TBC1D22A: variants seen among roughly 807,000 people sequenced by gnomAD.
The protein encoded by TBC1D22A is putative GTPase activator.
TBC1D22A carries 38 observed loss-of-function variants against 60.2 expected under a neutral mutation model. That is an observed-to-expected ratio of 0.63 (90% CI 0.49 to 0.83). The LOEUF (loss-of-function observed/expected upper bound fraction) is 0.83. Among genes scored for constraint, TBC1D22A ranks in the 40% least tolerant of loss-of-function variants. The pLI is 0.00. For synonymous variants in TBC1D22A, 302 were observed against 281.7 expected (o/e 1.07, Z -0.72); for missense variants, 628 against 701.0 (o/e 0.90, Z 1.18).
At chr22:47,127,194 G>T (rs1240069172) in intron 12 of TBC1D22A, among the ~76,000 whole-genome samples, 1 of 151,178 alleles carries the variant, frequency 6.6e-6, no homozygotes, top group Non-Finnish European at 1.5e-5. Context: ...AATTGGCATG[G>T]ATTTTTTTGT....
At chr22:47,169,756 A>T (rs562204517) in intron 12 of TBC1D22A, among the ~76,000 whole-genome samples, 106 of 152,338 alleles carry the variant, frequency 7.0e-4, no homozygotes, top group African/African-American at 2.5e-3. Context: ...TGACTTCTAC[A>T]GCATCAGTGT....
At chr22:47,157,236 G>A (rs2067759033) in intron 12 of TBC1D22A, among the ~76,000 whole-genome samples, 1 of 152,214 alleles carries the variant, frequency 6.6e-6, no homozygotes, top group Non-Finnish European at 1.5e-5. Context: ...GTAGTCCGCG[G>A]CTCCTCCCAC....
intron 1 of TBC1D22A, among the ~76,000 whole-genome samples, chr22:46,775,213 C>T (rs1213906666): frequency 2.0e-5 from 3 of 152,174 alleles, no homozygotes; most frequent in East Asian, 3.9e-4. Flanking sequence ...AGCTCCTCCG[C>T]GAGGGCTTGG....
At chr22:47,071,591 G>A (rs1196095102) in intron 11 of TBC1D22A, among the ~76,000 whole-genome samples, 2 of 152,218 alleles carry the variant, frequency 1.3e-5, no homozygotes, top group South Asian at 2.1e-4. Context: ...ACTCGGGGCC[G>A]GCGGGAAAGG....
intron 12 of TBC1D22A, among the ~76,000 whole-genome samples, chr22:47,152,212 TGGGTTGACCAA>T (rs2067532766): frequency 6.6e-6 from 1 of 152,234 alleles, no homozygotes; most frequent in South Asian, 2.1e-4. Context: ...GTCCTCAGGT[TGGGTTGACCAA>T]TACAAGGTTA....
At chr22:46,796,329 A>G (rs1032706103) in intron 3 of TBC1D22A, among the ~76,000 whole-genome samples, 27 of 151,214 alleles carry the variant, frequency 1.8e-4, no homozygotes, top group Admixed American at 1.3e-4. Flanking sequence ...ATTTTCCCCC[A>G]CTCCCAGGTT....
At chr22:46,908,963 C>T (rs187355271) in intron 7 of TBC1D22A, among the ~76,000 whole-genome samples, 30 of 152,224 alleles carry the variant, frequency 2.0e-4, no homozygotes, top group African/African-American at 6.0e-4. Flanking sequence ...GCTGTGGAAC[C>T]GAGTCGAGGC....
At position 46,874,297 on chromosome 22, in the gene TBC1D22A, C is replaced by T. The variant is rs530075286; in HGVS notation, c.638-4356C>T. ...CGATTTATATTATTTTGGGTATATA[C>T]CCAGTAATGAGATTGCTGGGTCAAA... is the stretch of plus-strand genomic sequence containing the variant. On this transcript the variant is annotated intron_variant, in intron 4 of 12. Coordinates refer to ENST00000337137, the MANE Select transcript of TBC1D22A (RefSeq NM_014346.5). Among the ~76,000 whole-genome samples, 10 of 152,162 alleles carry T rather than the reference C, an allele frequency of 6.6e-5. No individual in the cohort carries two copies. In the South Asian group the frequency reaches 2.1e-3, roughly 32 times the overall value.
At chr22:46,908,589 T>C (rs1276012035) in intron 7 of TBC1D22A, among the ~76,000 whole-genome samples, 1 of 152,180 alleles carries the variant, frequency 6.6e-6, no homozygotes, top group East Asian at 1.9e-4. Context: ...CAGTAAGAAA[T>C]TGGAATTCTC....
At chr22:46,944,259 T>G (rs1320412297) in intron 8 of TBC1D22A, among the ~76,000 whole-genome samples, 1 of 152,222 alleles carries the variant, frequency 6.6e-6, no homozygotes, top group East Asian at 1.9e-4. Context: ...CTTGTTGTGT[T>G]TCTGTTTGTA....
rs533191724 is a variant in TBC1D22A at position 47,164,489 on chromosome 22, C to T, written c.1426-9009C>T. Among the ~76,000 whole-genome samples the T allele has an allele frequency of 1.5e-3, 221 of 152,330 alleles. 1 individual carries two copies. The highest frequency in any genetic ancestry group is 4.1e-3 in the African/African-American group (171 of 41,568). On this transcript the variant is annotated intron_variant, in intron 12 of 12. Coordinates refer to ENST00000337137, the MANE Select transcript of TBC1D22A (RefSeq NM_014346.5). Reference sequence around the variant, plus strand: ...GTCCCAGCCTGCCTGGGGCATGGGACGGCCTGTGCCTTGGCATGGCCTGTG... The same window carrying T: ...GTCCCAGCCTGCCTGGGGCATGGGATGGCCTGTGCCTTGGCATGGCCTGTG...
rs138975589 is a variant in TBC1D22A at position 46,869,189 on chromosome 22, A to G, written c.638-9464A>G. On this transcript the variant is annotated intron_variant, in intron 4 of 12. Coordinates refer to ENST00000337137, the MANE Select transcript of TBC1D22A (RefSeq NM_014346.5). ...CTGTTGGTGAGAGTTAGGGAGTAGT[A>G]GAGATAAATCTGTGCTTTGCTTAGT... Among the ~76,000 whole-genome samples, 44 of 152,334 alleles carry G rather than the reference A, an allele frequency of 2.9e-4. No homozygotes were observed. In the East Asian group the frequency reaches 7.9e-3, roughly 27 times the overall value.
At chr22:47,082,974 A>G (rs2064530663) in intron 11 of TBC1D22A, among the ~76,000 whole-genome samples, 1 of 152,258 alleles carries the variant, frequency 6.6e-6, no homozygotes, top group Non-Finnish European at 1.5e-5. Flanking sequence ...CAGCAAGGGA[A>G]TGGATTAACA....
intron 8 of TBC1D22A, among the ~76,000 whole-genome samples, chr22:46,920,535 C>G (rs2070691577): frequency 6.6e-6 from 1 of 152,088 alleles, no homozygotes; most frequent in Non-Finnish European, 1.5e-5. Context: ...GATGTGTGCT[C>G]TGTTTTCTTT....
At chr22:46,772,669 T>C in intron 1 of TBC1D22A, among the ~76,000 whole-genome samples, 1 of 140,580 alleles carries the variant, frequency 7.1e-6, no homozygotes, top group Non-Finnish European at 1.5e-5. Context: ...TTTTTTGAGA[T>C]GGGAGTCTCA....
intron 11 of TBC1D22A, among the ~76,000 whole-genome samples, chr22:47,091,964 C>G (rs749708222): frequency 1.4e-4 from 21 of 152,294 alleles, no homozygotes; most frequent in Non-Finnish European, 2.6e-4. Flanking sequence ...ATCATTTGTA[C>G]TGGAAAGCGT....
rs115874975 is a variant in TBC1D22A at position 46,781,904 on chromosome 22, C to T, written c.63-10616C>T. On this transcript the variant is annotated intron_variant, in intron 1 of 12. Transcript: ENST00000337137. Reference sequence around the variant, plus strand: ...GACCAGAACACCCAACTAATGGCCCCTGCCTTGCTCACTACTAACCAGTTA... The same window carrying T: ...GACCAGAACACCCAACTAATGGCCCTTGCCTTGCTCACTACTAACCAGTTA... Among the ~76,000 whole-genome samples, 820 of 152,344 alleles carry T rather than the reference C, an allele frequency of 5.4e-3. 7 individuals carry two copies. The highest frequency in any genetic ancestry group is 0.018 in the African/African-American group (757 of 41,564).
intron 4 of TBC1D22A, among the ~76,000 whole-genome samples, chr22:46,825,979 T>C (rs1002644991): frequency 1.3e-5 from 2 of 150,164 alleles, no homozygotes; most frequent in African/African-American, 4.9e-5. Flanking sequence ...ATCTCCCGGG[T>C]TCACGCCATT....
intron 11 of TBC1D22A, among the ~76,000 whole-genome samples, chr22:47,056,352 G>A (rs2063393042): frequency 6.6e-6 from 1 of 151,944 alleles, no homozygotes; most frequent in Non-Finnish European, 1.5e-5. Context: ...AGTTTGAGTT[G>A]GTTTTGAAGG....
Sources: gnomAD v4.1 joint callset for allele counts (sites outside exome capture counted in the v4.1 genomes callset) on GRCh38, gnomAD v4.1.1 for gene constraint, MANE v1.5 for transcripts, NCBI Gene and HGNC (gene_info 2026-07-23, HGNC 2026-07-21) for gene names.